CCSER1: variants seen among roughly 807,000 people sequenced by gnomAD.
The protein encoded by CCSER1 is serine-rich coiled-coil domain-containing protein 1.
Under a neutral mutation model 82.0 loss-of-function variants are expected in CCSER1, and 41 were observed. The ratio of observed to expected loss-of-function variants is 0.50; its 90% CI spans 0.39 to 0.65. The LOEUF (loss-of-function observed/expected upper bound fraction) is 0.65, where lower values mean the gene tolerates loss of function less well. Among genes scored for constraint, CCSER1 ranks in the 30% least tolerant of loss-of-function variants. CCSER1 has a pLI of 0.00. For missense variants in CCSER1, 1,119 were observed against 1,064.2 expected (o/e 1.05, Z -0.72); for synonymous variants, 414 against 383.9 (o/e 1.08, Z -0.92).
chr4:91,444,535 C>T (rs1560677238), intron 10 of CCSER1, among the ~76,000 whole-genome samples: 1 of 152,108 alleles, frequency 6.6e-6, no homozygotes, highest in Middle Eastern at 3.4e-3. Flanking sequence ...CTGCAACTTC[C>T]ACCTCCTGGG....
intron 3 of CCSER1, among the ~76,000 whole-genome samples, chr4:90,399,736 A>G (rs1752541065): frequency 6.6e-6 from 1 of 152,086 alleles, no homozygotes; most frequent in Admixed American, 6.5e-5. Context: ...GACTTCTAAT[A>G]TCTTTCATAT....
At position 91,357,884 on chromosome 4, in the gene CCSER1, C is replaced by T. The variant is rs570522574; in HGVS notation, c.2218-240688C>T. On this transcript the variant is annotated intron_variant, in intron 10 of 10. Transcript: ENST00000509176. Reference sequence around the variant, plus strand: ...TTACCTAAATTCTGCCTGCCCCCCCCCCCTTTTTTTTTTTTTTTTGAAGAT... The same window carrying T: ...TTACCTAAATTCTGCCTGCCCCCCCTCCCTTTTTTTTTTTTTTTTGAAGAT... Among the ~76,000 whole-genome samples the T allele has an allele frequency of 1.8e-3, 135 of 73,672 alleles. 2 individuals carry two copies. Among genetic ancestry groups the T allele is most frequent in the African/African-American group, 5.1e-3 (122 of 23,716 alleles). The allele number at this position is 73,672 out of a possible 152,430, so 48.3% of individuals were successfully genotyped here.
intron 7 of CCSER1, chr4:90,781,678 T>C: frequency 1.4e-5 from 14 of 971,298 alleles, no homozygotes; most frequent in Non-Finnish European, 1.7e-5. Flanking sequence ...ATCCTGGCTT[T>C]AGATATTAGG....
intron 1 of CCSER1, among the ~76,000 whole-genome samples, chr4:90,228,371 C>G (rs1266678905): frequency 6.6e-6 from 1 of 152,102 alleles, no homozygotes; most frequent in East Asian, 1.9e-4. Context: ...AGACTGACAC[C>G]TCACAGGGCT....
At chr4:90,229,541 A>G (rs1208920353) in intron 1 of CCSER1, among the ~76,000 whole-genome samples, 2 of 152,138 alleles carry the variant, frequency 1.3e-5, no homozygotes. Flanking sequence ...GACCATCGAG[A>G]CTAGGAAGAA....
intron 8 of CCSER1, among the ~76,000 whole-genome samples, chr4:90,891,340 A>C (rs906519771): frequency 4.0e-5 from 6 of 151,700 alleles, no homozygotes; most frequent in South Asian, 4.1e-4. Flanking sequence ...AAGTAAACAC[A>C]AAGATTAACT....
At chr4:91,557,145 A>G (rs1012727675) in intron 10 of CCSER1, among the ~76,000 whole-genome samples, 3 of 148,020 alleles carry the variant, frequency 2.0e-5, no homozygotes, top group Non-Finnish European at 4.5e-5. Flanking sequence ...GGAGTGTACA[A>G]CTCTTAAGAA....
intron 3 of CCSER1, among the ~76,000 whole-genome samples, chr4:90,341,100 A>G (rs1741294993): frequency 6.6e-6 from 1 of 152,118 alleles, no homozygotes; most frequent in African/African-American, 2.4e-5. Flanking sequence ...TAATTTTGAG[A>G]ACTGCTACTG....
intron 10 of CCSER1, among the ~76,000 whole-genome samples, chr4:91,210,831 C>T (rs374176227): frequency 4.6e-5 from 7 of 151,656 alleles, no homozygotes; most frequent in South Asian, 2.1e-4. Flanking sequence ...ATAGTAATGC[C>T]GATGTCACAT....
intron 4 of CCSER1, among the ~76,000 whole-genome samples, chr4:90,448,576 T>C (rs1761017996): frequency 6.6e-6 from 1 of 150,714 alleles, no homozygotes; most frequent in South Asian, 2.1e-4. Context: ...CTTGAAATCT[T>C]CGTTCATAAA....
intron 8 of CCSER1, among the ~76,000 whole-genome samples, chr4:90,917,061 TTGG>T (rs1727569171): frequency 6.6e-6 from 1 of 152,196 alleles, no homozygotes; most frequent in Non-Finnish European, 1.5e-5. Context: ...TTTTACACTG[TTGG>T]TGGGACTGTA....
chr4:90,336,540 G>GA (rs1740432029), intron 3 of CCSER1, among the ~76,000 whole-genome samples: 2 of 152,160 alleles, frequency 1.3e-5, no homozygotes, highest in South Asian at 4.1e-4. Context: ...GTTTAAGTAA[G>GA]AACAGGCTGT....
At chr4:90,476,021 C>CGTGTGTGTGT (rs148001576) in intron 5 of CCSER1, among the ~76,000 whole-genome samples, 1 of 148,494 alleles carries the variant, frequency 6.7e-6, no homozygotes, top group East Asian at 2.0e-4. Context: ...CTTCTTTTCT[C>CGTGTGTGTGT]GTGTGTGTGT....
intron 9 of CCSER1, among the ~76,000 whole-genome samples, chr4:91,059,527 G>T (rs1191540111): frequency 6.7e-6 from 1 of 149,836 alleles, no homozygotes; most frequent in African/African-American, 2.4e-5. Flanking sequence ...TTTCTATCAT[G>T]GTATTCTTTG....
intron 10 of CCSER1, among the ~76,000 whole-genome samples, chr4:91,116,345 A>G (rs944159463): frequency 2.0e-5 from 3 of 152,170 alleles, no homozygotes; most frequent in South Asian, 2.1e-4. Context: ...AGGAACTCAC[A>G]GTGTGCCGCT....
At chr4:90,914,060 C>A (rs556787542) in intron 8 of CCSER1, among the ~76,000 whole-genome samples, 1 of 152,222 alleles carries the variant, frequency 6.6e-6, no homozygotes, top group South Asian at 2.1e-4. Flanking sequence ...CTTTAACACC[C>A]CACTGTCAAC....
At chr4:91,167,871 A>G (rs1581693094) in intron 10 of CCSER1, among the ~76,000 whole-genome samples, 1 of 152,290 alleles carries the variant, frequency 6.6e-6, no homozygotes, top group Non-Finnish European at 1.5e-5. Flanking sequence ...ATGGCTGCTC[A>G]CCCCATCTGG....
At chr4:91,172,954 G>C (rs370741948) in intron 10 of CCSER1, among the ~76,000 whole-genome samples, 1 of 152,092 alleles carries the variant, frequency 6.6e-6, no homozygotes, top group East Asian at 1.9e-4. Flanking sequence ...TAAATCTCCA[G>C]AATGCACTTT....
At chr4:91,576,913 T>C (rs1560775840) in intron 10 of CCSER1, among the ~76,000 whole-genome samples, 1 of 151,992 alleles carries the variant, frequency 6.6e-6, no homozygotes, top group African/African-American at 2.4e-5. Context: ...TAATCATTGA[T>C]TGCATTGTGG....
Sources: allele counts gnomAD v4.1 joint callset (sites outside exome capture counted in the v4.1 genomes callset), GRCh38; gene constraint gnomAD v4.1.1; transcripts MANE v1.5; gene names NCBI Gene and HGNC (gene_info 2026-07-23, HGNC 2026-07-21).